Variants in TNFSF8 observed in about 807,000 individuals in gnomAD.
TNFSF8 encodes tumor necrosis factor ligand superfamily member 8.
In TNFSF8, 4 loss-of-function variants were observed where a neutral mutation model predicts 22.0. The observed-to-expected ratio is 0.18, with a 90% CI of 0.09 to 0.42. The LOEUF (loss-of-function observed/expected upper bound fraction) is 0.42, where lower values mean the gene tolerates loss of function less well. Among genes scored for constraint, TNFSF8 ranks in the 10% least tolerant of loss-of-function variants. The probability of loss-of-function intolerance (pLI) is 1.00; values close to 1 mark genes in which losing one functional copy is unlikely to be tolerated. For synonymous variants in TNFSF8, 106 were observed against 112.5 expected (o/e 0.94, Z 0.37); for missense variants, 233 against 281.8 (o/e 0.83, Z 1.24).
intron 1 of TNFSF8, among the ~76,000 whole-genome samples, chr9:114,929,357 C>CTT (rs370592705): frequency 1.1e-4 from 15 of 133,030 alleles, no homozygotes; most frequent in Admixed American, 3.0e-4. Flanking sequence ...TGTGCTGTTT[C>CTT]TTTTTTTTTT....
chr9:114,919,609 G>A (rs982002949), intron 1 of TNFSF8, among the ~76,000 whole-genome samples: 1 of 152,178 alleles, frequency 6.6e-6, no homozygotes, highest in African/African-American at 2.4e-5. Flanking sequence ...GGAATCTCCT[G>A]TATTGCATTG....
chr9:114,914,962 A>C (rs1340582368), intron 2 of TNFSF8, among the ~76,000 whole-genome samples: 2 of 152,180 alleles, frequency 1.3e-5, no homozygotes, highest in South Asian at 4.1e-4. Context: ...ATAGCTCTAC[A>C]TCCCAGGCTC....
At chr9:114,929,279 G>A (rs572345194) in intron 1 of TNFSF8, among the ~76,000 whole-genome samples, 36 of 151,878 alleles carry the variant, frequency 2.4e-4, no homozygotes, top group Middle Eastern at 6.8e-3. Flanking sequence ...TGTACCCAAC[G>A]ATTGCTTAGT....
intron 2 of TNFSF8, among the ~76,000 whole-genome samples, chr9:114,910,441 A>G (rs1827839121): frequency 6.6e-6 from 1 of 152,206 alleles, no homozygotes; most frequent in East Asian, 1.9e-4. Flanking sequence ...CACAGTAGGT[A>G]AATGGTGGAG....
chr9:114,923,472 C>CTTTCTT (rs1828014229), intron 1 of TNFSF8, among the ~76,000 whole-genome samples: 1 of 144,502 alleles, frequency 6.9e-6, no homozygotes, highest in Non-Finnish European at 1.5e-5. Context: ...GATTACTTTT[C>CTTTCTT]TTTCTTTTTC....
At chr9:114,917,384 C>A (rs368581506) in intron 2 of TNFSF8, among the ~76,000 whole-genome samples, 1 of 152,136 alleles carries the variant, frequency 6.6e-6, no homozygotes, top group Non-Finnish European at 1.5e-5. Context: ...TGACCTTGGA[C>A]GAGATACTTC....
At chr9:114,909,162 G>T (rs552566341) in intron 2 of TNFSF8, among the ~76,000 whole-genome samples, 1 of 152,302 alleles carries the variant, frequency 6.6e-6, no homozygotes, top group African/African-American at 2.4e-5. Context: ...AGAGCTAGAT[G>T]AACATTTCAT....
intron 1 of TNFSF8, among the ~76,000 whole-genome samples, chr9:114,923,034 C>A (rs1330685522): frequency 1.3e-5 from 2 of 152,038 alleles, no homozygotes; most frequent in Admixed American, 1.3e-4. Flanking sequence ...TAGATTTGGG[C>A]TCAGATATGG....
At chr9:114,925,659 G>A (rs1452104603) in intron 1 of TNFSF8, among the ~76,000 whole-genome samples, 2 of 152,174 alleles carry the variant, frequency 1.3e-5, no homozygotes, top group East Asian at 3.9e-4. Context: ...CAGCTCCACT[G>A]TTGGTGTGGA....
intron 1 of TNFSF8, among the ~76,000 whole-genome samples, chr9:114,926,797 G>C (rs957277799): frequency 6.6e-6 from 1 of 152,008 alleles, no homozygotes; most frequent in Non-Finnish European, 1.5e-5. Context: ...GTCAATGGTG[G>C]TTATCTCCGT....
At chr9:114,926,654 G>A (rs1828064542) in intron 1 of TNFSF8, among the ~76,000 whole-genome samples, 1 of 152,120 alleles carries the variant, frequency 6.6e-6, no homozygotes, top group African/African-American at 2.4e-5. Context: ...AAGATATACA[G>A]TGTGTTGTCA....
chr9:114,896,972 G>A (rs757730363), downstream of TNFSF8, among the ~76,000 whole-genome samples: 1 of 151,872 alleles, frequency 6.6e-6, no homozygotes, highest in Non-Finnish European at 1.5e-5. Context: ...GTGCAATCTC[G>A]GCTCACTGCA....
intron 1 of TNFSF8, among the ~76,000 whole-genome samples, chr9:114,925,821 T>C (rs1202886390): frequency 1.3e-5 from 2 of 152,162 alleles, no homozygotes; most frequent in Admixed American, 6.5e-5. Flanking sequence ...CATTCTCCCC[T>C]GGGGCTAGAG....
intron 3 of TNFSF8, among the ~76,000 whole-genome samples, chr9:114,904,789 T>C (rs1290378842): frequency 6.6e-6 from 1 of 152,212 alleles, no homozygotes; most frequent in Non-Finnish European, 1.5e-5. Flanking sequence ...TTGCAGAAAG[T>C]ACAAGGTAGG....
At position 114,912,564 on chromosome 9, in the gene TNFSF8, AT is replaced by A. The variant is rs113374990; in HGVS notation, c.238+5531del. Among the ~76,000 whole-genome samples, 858 of 151,030 alleles carry A rather than the reference AT, an allele frequency of 5.7e-3. 11 individuals are homozygous for A. Among genetic ancestry groups the A allele is most frequent in the African/African-American group, 0.019 (802 of 41,204 alleles). ...GCCACCATGCCCAGCTAATTTTTGT[AT>A]TTTTTTTTGAAGACAGGGTTTCACC... On this transcript the variant is annotated intron_variant, in intron 2 of 3. Transcript: ENST00000223795.
chr9:114,926,184 A>G (rs529167161), intron 1 of TNFSF8, among the ~76,000 whole-genome samples: 31 of 152,306 alleles, frequency 2.0e-4, no homozygotes, highest in African/African-American at 6.7e-4. Flanking sequence ...CACTAGTACA[A>G]TCTCTTTGGA....
At chr9:114,923,005 G>A (rs1389680441) in intron 1 of TNFSF8, among the ~76,000 whole-genome samples, 1 of 152,096 alleles carries the variant, frequency 6.6e-6, no homozygotes, top group African/African-American at 2.4e-5. Context: ...CTTGAGAGAT[G>A]GCTGTAGGAG....
intron 2 of TNFSF8, among the ~76,000 whole-genome samples, chr9:114,911,926 G>C (rs1199869842): frequency 6.6e-6 from 1 of 152,148 alleles, no homozygotes; most frequent in Non-Finnish European, 1.5e-5. Context: ...AATTTAAAAG[G>C]AAAGGTGAGT....
chr9:114,904,576 T>G (rs1371503109), intron 3 of TNFSF8, among the ~76,000 whole-genome samples: 1 of 152,212 alleles, frequency 6.6e-6, no homozygotes, highest in East Asian at 1.9e-4. Context: ...ACTTTACTTC[T>G]ACCTCCTATA....
Sources: allele counts gnomAD v4.1 joint callset (sites outside exome capture counted in the v4.1 genomes callset), GRCh38; gene constraint gnomAD v4.1.1; transcripts MANE v1.5; gene names NCBI Gene and HGNC (gene_info 2026-07-23, HGNC 2026-07-21).